Variants in PRKN observed in about 807,000 individuals in gnomAD.
PRKN encodes the protein parkin RBR E3 ubiquitin protein ligase, also known as E3 ubiquitin-protein ligase parkin.
A neutral mutation model predicts 59.5 loss-of-function variants in PRKN; 56 were observed. The ratio of observed to expected loss-of-function variants is 0.94; its 90% CI spans 0.76 to 1.18. The LOEUF (loss-of-function observed/expected upper bound fraction) is 1.18. Ranked by LOEUF, PRKN falls within the 50% of genes most tolerant of loss-of-function variation. The pLI, the probability that PRKN is intolerant of heterozygous loss-of-function variation, is 0.00. For synonymous variants in PRKN, 250 were observed against 222.1 expected (o/e 1.13, Z -1.12); for missense variants, 657 against 596.4 (o/e 1.10, Z -1.06).
At chr6:162,723,934 A>G (rs1201965337) in intron 1 of PRKN, among the ~76,000 whole-genome samples, 2 of 152,214 alleles carry the variant, frequency 1.3e-5, no homozygotes, top group African/African-American at 2.4e-5. Context: ...AGAAGAGACT[A>G]TGTTCCAATG....
At chr6:161,710,313 G>A (rs974326596) in intron 7 of PRKN, among the ~76,000 whole-genome samples, 2 of 152,176 alleles carry the variant, frequency 1.3e-5, no homozygotes, top group African/African-American at 4.8e-5. Flanking sequence ...AATGCTTTCA[G>A]CACGCTCATT....
At chr6:161,598,582 T>C (rs889573235) in intron 7 of PRKN, among the ~76,000 whole-genome samples, 2 of 152,242 alleles carry the variant, frequency 1.3e-5, no homozygotes, top group Non-Finnish European at 2.9e-5. Flanking sequence ...ATGATTTCTA[T>C]ATTATATGAA....
At chr6:162,031,851 C>T (rs772950123) in intron 5 of PRKN, among the ~76,000 whole-genome samples, 7 of 151,992 alleles carry the variant, frequency 4.6e-5, no homozygotes, top group East Asian at 1.9e-4. Flanking sequence ...TTTTGTGGAT[C>T]GTTGCATGTC....
intron 7 of PRKN, among the ~76,000 whole-genome samples, chr6:161,784,728 A>C (rs1389437558): frequency 6.6e-6 from 1 of 152,226 alleles, no homozygotes; most frequent in Non-Finnish European, 1.5e-5. Context: ...GTTCTCCTAA[A>C]GGTTAAACTT....
At chr6:161,657,062 C>CATCT (rs1348613246) in intron 7 of PRKN, among the ~76,000 whole-genome samples, 1 of 152,234 alleles carries the variant, frequency 6.6e-6, no homozygotes, top group African/African-American at 2.4e-5. Context: ...TCCACCTGGA[C>CATCT]ATCTCTCAGA....
chr6:161,507,613 G>A (rs1481389763), intron 9 of PRKN, among the ~76,000 whole-genome samples: 2 of 152,146 alleles, frequency 1.3e-5, no homozygotes, highest in Admixed American at 6.5e-5. Context: ...TTCAGGAAGG[G>A]ATGCTCTCTT....
At chr6:161,795,688 G>T (rs778108007) in intron 6 of PRKN, among the ~76,000 whole-genome samples, 1 of 152,132 alleles carries the variant, frequency 6.6e-6, no homozygotes, top group Non-Finnish European at 1.5e-5. Context: ...GTCTGATGAT[G>T]AGAAAACTCA....
chr6:162,264,314 A>G (rs565020086), intron 2 of PRKN, among the ~76,000 whole-genome samples: 1 of 152,096 alleles, frequency 6.6e-6, no homozygotes, highest in Non-Finnish European at 1.5e-5. Context: ...ATACAAATAA[A>G]CCAATGCCTT....
chr6:162,200,214 G>A (rs543344616), intron 4 of PRKN, among the ~76,000 whole-genome samples: 7 of 152,174 alleles, frequency 4.6e-5, no homozygotes, highest in South Asian at 2.1e-4. Flanking sequence ...TCTCCACCGC[G>A]GGGACTGGAC....
intron 1 of PRKN, among the ~76,000 whole-genome samples, chr6:162,503,136 C>CTTTT (rs10629175): frequency 0.21 from 16,851 of 79,458 alleles, 677 homozygotes; most frequent in Non-Finnish European, 0.28. Flanking sequence ...GTCTTCATTT[C>CTTTT]TTTTTTTTTT....
chr6:161,912,113 A>G (rs1242064414), intron 6 of PRKN, among the ~76,000 whole-genome samples: 1 of 151,376 alleles, frequency 6.6e-6, no homozygotes, highest in African/African-American at 2.4e-5. Context: ...AGGAGGCAGC[A>G]GTTGCAGTGA....
chr6:162,478,774 C>T (rs555596811), intron 1 of PRKN, among the ~76,000 whole-genome samples: 40 of 152,282 alleles, frequency 2.6e-4, no homozygotes, highest in Middle Eastern at 3.4e-3. Context: ...AACATGTTTA[C>T]TGAATGCCTT....
At chr6:162,021,089 C>A (rs778886979) in intron 5 of PRKN, among the ~76,000 whole-genome samples, 1 of 124,448 alleles carries the variant, frequency 8.0e-6, no homozygotes, top group East Asian at 2.4e-4. Flanking sequence ...GGTGACAGAA[C>A]GAGACTCTGT....
intron 7 of PRKN, among the ~76,000 whole-genome samples, chr6:161,698,077 T>C (rs901528728): frequency 3.9e-5 from 6 of 152,108 alleles, no homozygotes; most frequent in Non-Finnish European, 8.8e-5. Context: ...AACAAAAGCT[T>C]CTAATATGAG....
Position 161,437,109 on chromosome 6 carries a change from A to C in PRKN, c.1084-50232T>G, listed in dbSNP as rs117444635. 7.9e-3 allele frequency among the ~76,000 whole-genome samples: 1,208 copies of C among 152,262 alleles called. 13 individuals carry two copies. The highest frequency in any genetic ancestry group is 0.061 in the East Asian group (314 of 5,180). On this transcript the variant is annotated intron_variant, in intron 9 of 11. Coordinates refer to ENST00000366898, the MANE Select transcript of PRKN (RefSeq NM_004562.3). The stretch of plus-strand genomic sequence containing the variant: ...CACATACATGCCTATTACGAAGCTT[A>C]ACTTATAAATTAAGCAAAGTAAGAC...
intron 1 of PRKN, among the ~76,000 whole-genome samples, chr6:162,654,118 A>G (rs1330807284): frequency 6.6e-6 from 1 of 152,218 alleles, no homozygotes; most frequent in Non-Finnish European, 1.5e-5. Context: ...GATATAGGAA[A>G]ACAGAAGTGT....
chr6:161,902,538 CTATCTATCTATT>C (rs1417702778), intron 6 of PRKN, among the ~76,000 whole-genome samples: 4 of 82,870 alleles, frequency 4.8e-5, no homozygotes, highest in Admixed American at 1.2e-4. Flanking sequence ...ATCTATCTAT[CTATCTATCTATT>C]TATTTATTTA....
intron 6 of PRKN, among the ~76,000 whole-genome samples, chr6:161,882,223 C>A (rs1238524823): frequency 6.6e-6 from 1 of 152,206 alleles, no homozygotes; most frequent in Admixed American, 6.5e-5. Flanking sequence ...TTCCTGACTT[C>A]CTTTTTGTTT....
At chr6:162,316,425 C>T (rs142675850) in intron 2 of PRKN, among the ~76,000 whole-genome samples, 211 of 152,074 alleles carry the variant, frequency 1.4e-3, no homozygotes, top group African/African-American at 4.9e-3. Context: ...TGACATCTTC[C>T]TAGAAATAAG....
Sources: gnomAD v4.1 joint callset for allele counts (sites outside exome capture counted in the v4.1 genomes callset) on GRCh38, gnomAD v4.1.1 for gene constraint, MANE v1.5 for transcripts, NCBI Gene and HGNC (gene_info 2026-07-23, HGNC 2026-07-21) for gene names.